Variants in PDE4A observed in about 807,000 individuals in gnomAD.
The protein encoded by PDE4A is phosphodiesterase 4A, also known as 3',5'-cyclic-AMP phosphodiesterase 4A.
A neutral mutation model predicts 73.9 loss-of-function variants in PDE4A; 21 were observed. That is an observed-to-expected ratio of 0.28 (90% confidence interval 0.20 to 0.41). The LOEUF (loss-of-function observed/expected upper bound fraction) is 0.41, where lower values mean the gene tolerates loss of function less well. PDE4A is among the 10% of genes least tolerant of loss of function. PDE4A has a pLI of 1.00. For missense variants in PDE4A, 958 were observed against 1,211.4 expected, an observed-to-expected ratio of 0.79 and a Z score of 3.10; for synonymous variants, 463 against 505.4, an observed-to-expected ratio of 0.92 and a Z score of 1.13.
chr19:10,449,590 C>G (rs2043062118), intron 4 of PDE4A, among the ~76,000 whole-genome samples: 1 of 151,914 alleles, frequency 6.6e-6, no homozygotes, highest in Non-Finnish European at 1.5e-5. Flanking sequence ...AAACTCCTGA[C>G]CTTTGGTGAT....
chr19:10,416,894 C>T, upstream of PDE4A: 2 of 1,535,168 alleles, frequency 1.3e-6, no homozygotes, highest in South Asian at 1.2e-5. Flanking sequence ...GAGGCCCTGG[C>T]CCTGCCGACA....
At chr19:10,423,161 T>TC in intron 1 of PDE4A, 1 of 872,040 alleles carries the variant, frequency 1.1e-6, no homozygotes, top group African/African-American at 2.2e-5. Context: ...CTTTCTCTTT[T>TC]TTTTTTTTTT....
At chr19:10,452,863 A>AT in intron 6 of PDE4A, 1 of 499,074 alleles carries the variant, frequency 2.0e-6, no homozygotes, top group Non-Finnish European at 2.6e-6. Flanking sequence ...TGCCCCTTTA[A>AT]TACCCCCCCA....
rs112820202 is a variant in PDE4A, at chr19:10,436,133, G to C, written c.321-10085G>C. Among the ~76,000 whole-genome samples, 253 of 152,276 alleles carry C rather than the reference G, an allele frequency of 1.7e-3. 3 individuals carry two copies. Among genetic ancestry groups the C allele is most frequent in the African/African-American group, 5.6e-3 (233 of 41,538 alleles). On this transcript the variant is annotated intron_variant, in intron 1 of 14. Coordinates refer to ENST00000380702, the MANE Select transcript of PDE4A (RefSeq NM_001111307.2). ...GCTTAAATCCTAGGCCGGGGAGTTG[G>C]AGGTGTGTAGCTATGTTCCTCTCGC...
In PDE4A at chr19:10,450,888, C is replaced by T; in HGVS notation, c.730C>T (p.Gln244Ter). The change falls in exon 6 of 15, where the codon CAG becomes TAG. Residue 244 changes from glutamine to a stop codon, truncating the protein, a stop_gained. Transcript: ENST00000380702. LOFTEE classifies it high-confidence loss of function. Reference protein sequence around the residue: ...TLEELDWCLEQLETMQTYRSV... With the variant: ...TLEELDWCLE Reference sequence around the variant, plus strand: ...GGAGGAGCTGGACTGGTGTCTGGAGCAGCTGGAGACCATGCAGACCTATCG... The same window carrying T: ...GGAGGAGCTGGACTGGTGTCTGGAGTAGCTGGAGACCATGCAGACCTATCG... 1 of 1,611,682 alleles carries T rather than the reference C, an allele frequency of 6.2e-7. No individual in the cohort carries two copies. The highest frequency in any genetic ancestry group is 1.7e-5 in the Admixed American group (1 of 59,648).
chr19:10,422,423 A>G (rs2042663191), intron 1 of PDE4A, among the ~76,000 whole-genome samples: 1 of 152,062 alleles, frequency 6.6e-6, no homozygotes, highest in Non-Finnish European at 1.5e-5. Flanking sequence ...TGGTGTTCTT[A>G]GTTATTGTTC....
intron 1 of PDE4A, among the ~76,000 whole-genome samples, chr19:10,443,711 T>C (rs755307555): frequency 2.6e-5 from 4 of 150,986 alleles, no homozygotes; most frequent in African/African-American, 4.9e-5. Flanking sequence ...AGATTTCATC[T>C]CAAAAAAACA....
At chr19:10,417,002 G>C (rs1251261920), upstream of PDE4A, 2 of 1,537,890 alleles carry the variant, frequency 1.3e-6, no homozygotes, top group Non-Finnish European at 1.7e-6. Flanking sequence ...TGCGAGAGGA[G>C]GGGCTTGGGC....
rs201178328 is a variant in PDE4A at position 10,450,890 on chromosome 19, G to A, written c.732G>A (p.Gln244=). Residue 244 remains glutamine (Q), a synonymous_variant, in exon 6 of 15, where the codon CAG becomes CAA. Coordinates refer to ENST00000380702, the MANE Select transcript of PDE4A (RefSeq NM_001111307.2). ...AGGAGCTGGACTGGTGTCTGGAGCA[G>A]CTGGAGACCATGCAGACCTATCGCT... ...TLEELDWCLE[Q]LETMQTYRSV... is the part of the protein sequence containing the mutation. 3 of 1,611,540 alleles carry A rather than the reference G, an allele frequency of 1.9e-6. No homozygotes were observed. The highest frequency in any genetic ancestry group is 1.3e-5 in the African/African-American group (1 of 74,908).
At chr19:10,459,221 C>T in intron 8 of PDE4A, 179 bp from the exon 9 acceptor site, 1 of 1,076,420 alleles carries the variant, frequency 9.3e-7, no homozygotes, top group Non-Finnish European at 1.3e-6. Context: ...GCTGTGATTG[C>T]TTTCGCTATT....
At chr19:10,438,935 T>C (rs1186601392) in intron 1 of PDE4A, among the ~76,000 whole-genome samples, 2 of 152,210 alleles carry the variant, frequency 1.3e-5, no homozygotes, top group African/African-American at 4.8e-5. Flanking sequence ...AGAATTCCTT[T>C]CCTTTTTAAG....
intron 1 of PDE4A, among the ~76,000 whole-genome samples, chr19:10,439,264 C>A (rs961253408): frequency 3.2e-4 from 49 of 151,120 alleles, no homozygotes; most frequent in African/African-American, 1.1e-3. Context: ...TCACTGCAAC[C>A]TCCGTCTCCC....
At chr19:10,419,138 G>A (rs2042615650), upstream of PDE4A, 3 of 967,178 alleles carry the variant, frequency 3.1e-6, no homozygotes, top group South Asian at 9.6e-5. Context: ...CGTGCCCTGG[G>A]GAGCCCGTGA....
In PDE4A at chr19:10,468,140, G is replaced by C. The variant is rs1363939749; in HGVS notation, c.*519G>C. ...AACGTGGTCAGGAATAGCCATTCTAGGCGGGGCTGGGGCCAGGGTGGGGGG... is the reference window on the plus strand; with the variant it reads ...AACGTGGTCAGGAATAGCCATTCTACGCGGGGCTGGGGCCAGGGTGGGGGG... On this transcript the variant is annotated 3_prime_UTR_variant, in exon 15 of 15. Transcript: ENST00000380702. 1 of 152,750 alleles carries C rather than the reference G, an allele frequency of 6.5e-6. No homozygotes were observed. The highest frequency in any genetic ancestry group is 1.9e-4 in the East Asian group (1 of 5,292). The allele number at this position is 152,750 out of a possible 1,614,324, so 9.5% of individuals were successfully genotyped here.
At position 10,459,673 on chromosome 19, in the gene PDE4A, C is replaced by T; in HGVS notation, c.1279C>T (p.His427Tyr). The change falls in exon 10 of 15, where the codon CAC becomes TAC. Residue 427 changes from histidine to tyrosine, a missense_variant. Physicochemically the swap from His to Tyr is moderately conservative, Grantham distance 83 (BLOSUM62 2). Coordinates refer to ENST00000380702, the MANE Select transcript of PDE4A (RefSeq NM_001111307.2). ...TYMLTLEDHY[H>Y]ADVAYHNSLH... ...CATGCTGACGCTGGAGGATCACTACCACGCTGACGTGGCCTACCATAACAG... is the reference window on the plus strand; with the variant it reads ...CATGCTGACGCTGGAGGATCACTACTACGCTGACGTGGCCTACCATAACAG... 6.2e-7 allele frequency: 1 copy of T among 1,614,200 alleles called. No homozygotes were observed. Among genetic ancestry groups the T allele is most frequent in the East Asian group, 2.2e-5 (1 of 44,884 alleles).
At chr19:10,440,342 A>G (rs555772678) in intron 1 of PDE4A, among the ~76,000 whole-genome samples, 9 of 151,774 alleles carry the variant, frequency 5.9e-5, no homozygotes, top group African/African-American at 2.2e-4. Flanking sequence ...ATTTTTTTTC[A>G]TATGTTTATT....
At chr19:10,462,304 GCCA>G (rs1413800091) in intron 13 of PDE4A, among the ~76,000 whole-genome samples, 6 of 151,638 alleles carry the variant, frequency 4.0e-5, no homozygotes, top group Middle Eastern at 3.4e-3. Context: ...ACAGGCATGC[GCCA>G]CCATGCCCAG....
intron 1 of PDE4A, among the ~76,000 whole-genome samples, chr19:10,431,476 C>G (rs1292410340): frequency 6.6e-6 from 1 of 152,192 alleles, no homozygotes; most frequent in Non-Finnish European, 1.5e-5. Context: ...GGTGTCACTC[C>G]TAGTACCGGG....
intron 13 of PDE4A, among the ~76,000 whole-genome samples, chr19:10,463,041 G>T (rs570022181): frequency 5.3e-5 from 8 of 150,234 alleles, no homozygotes; most frequent in Non-Finnish European, 2.9e-5. Flanking sequence ...TTCCTTTCCT[G>T]TCCTGTCCTG....
Sources: allele counts gnomAD v4.1 joint callset (sites outside exome capture counted in the v4.1 genomes callset), GRCh38; gene constraint gnomAD v4.1.1; transcripts MANE v1.5; gene names NCBI Gene and HGNC (gene_info 2026-07-23, HGNC 2026-07-21).